The following PKD2 variants were observed in gnomAD, a reference collection of about 807,000 sequenced individuals.
The protein encoded by PKD2 is polycystin-2.
PKD2 carries 48 observed loss-of-function variants against 105.9 expected under a neutral mutation model. The ratio of observed to expected loss-of-function variants is 0.45; its 90% CI spans 0.36 to 0.58. The LOEUF (loss-of-function observed/expected upper bound fraction) is 0.58. Ranked by LOEUF, PKD2 falls within the 20% of genes least tolerant of loss-of-function variation. PKD2 has a pLI of 0.00. For synonymous variants in PKD2, 464 were observed against 481.1 expected (o/e 0.96, Z 0.46); for missense variants, 1,078 against 1,255.3 (o/e 0.86, Z 2.13).
intron 9 of PKD2, 114 bp from the exon 10 acceptor site, chr4:88,061,792 G>A: frequency 3.4e-6 from 2 of 596,888 alleles, no homozygotes; most frequent in South Asian, 4.1e-5. Flanking sequence ...TCTTCATAAA[G>A]CACTCAGATT....
intron 10 of PKD2, among the ~76,000 whole-genome samples, chr4:88,062,438 C>A (rs564551894): frequency 6.6e-6 from 1 of 152,328 alleles, no homozygotes; most frequent in South Asian, 2.1e-4. Context: ...TAGTAGTTCA[C>A]CCTTTACCCT....
intron 2 of PKD2, among the ~76,000 whole-genome samples, chr4:88,021,599 C>G (rs144788860): frequency 6.6e-6 from 1 of 152,202 alleles, no homozygotes; most frequent in Admixed American, 6.5e-5. Context: ...ACATCCGTCT[C>G]AGATGGTTAC....
chr4:88,023,002 A>G (rs11934991), intron 2 of PKD2, among the ~76,000 whole-genome samples: 178 of 152,274 alleles, frequency 1.2e-3, no homozygotes, highest in African/African-American at 4.0e-3. Flanking sequence ...AATTGTTTGA[A>G]GCTGGGAGTC....
At position 88,054,650 on chromosome 4, in the gene PKD2, C is replaced by CTTT. The variant is rs1184325520; in HGVS notation, c.1717-1416_1717-1414dup. ...CTTTAAGGCAGGGATCATGACTCTA[C>CTTT]TTTTTTTTTTTTTTTTTTTTTTGGG... On this transcript the variant is annotated intron_variant, in intron 7 of 14. Transcript: ENST00000237596. Among the ~76,000 whole-genome samples, 161 of 81,340 alleles carry CTTT rather than the reference C, an allele frequency of 2.0e-3. 5 individuals carry two copies. The highest frequency in any genetic ancestry group is 8.8e-3 in the African/African-American group (140 of 15,832). 53.4% of individuals were successfully genotyped at this position (81,340 alleles called of 152,430 possible).
rs1049662962 is a variant in PKD2 at position 88,069,068 on chromosome 4, CTTTGT to C, written c.2522+1011_2522+1015del. The stretch of plus-strand genomic sequence containing the variant: ...TATCCACTTTATCTCTAGTAAAATT[CTTTGT>C]TTTAAGTATTTTTTGTTTGATATTA... On this transcript the variant is annotated intron_variant, in intron 13 of 14. Transcript: ENST00000237596. 3.3e-4 allele frequency among the ~76,000 whole-genome samples: 50 copies of C among 152,046 alleles called. 2 individuals carry two copies. The highest frequency in any genetic ancestry group is 2.7e-3 in the Admixed American group (41 of 15,266).
At chr4:88,062,732 T>A (rs1720623155) in intron 10 of PKD2, among the ~76,000 whole-genome samples, 2 of 152,210 alleles carry the variant, frequency 1.3e-5, no homozygotes, top group South Asian at 4.1e-4. Context: ...AACTGTAATT[T>A]TTTTTTTTAT....
At chr4:88,012,682 T>A (rs909860066) in intron 1 of PKD2, among the ~76,000 whole-genome samples, 2 of 152,112 alleles carry the variant, frequency 1.3e-5, no homozygotes, top group Non-Finnish European at 2.9e-5. Context: ...TTTTTTATCA[T>A]CCCAAACAGA....
In PKD2 at chr4:88,039,533, C is replaced by T. The variant is rs1727475866; in HGVS notation, c.1094+1032C>T. 3.3e-5 allele frequency among the ~76,000 whole-genome samples: 5 copies of T among 151,796 alleles called. No individual in the cohort carries two copies. The South Asian group carries it at 1.0e-3, about 32-fold the overall frequency. On this transcript the variant is annotated intron_variant, in intron 4 of 14. Coordinates refer to ENST00000237596, the MANE Select transcript of PKD2 (RefSeq NM_000297.4). ...TACAAAAATTAGCTGGGTGTGGTGA[C>T]ATGTGCCTATAGTCACAGCTATTCG...
At chr4:88,069,284 C>T (rs1314686175) in intron 13 of PKD2, among the ~76,000 whole-genome samples, 1 of 151,968 alleles carries the variant, frequency 6.6e-6, no homozygotes, top group East Asian at 1.9e-4. Context: ...TTAATCCATT[C>T]ATTTAATGTT....
intron 1 of PKD2, among the ~76,000 whole-genome samples, chr4:88,016,070 G>A (rs1455684355): frequency 6.6e-6 from 1 of 152,082 alleles, no homozygotes; most frequent in African/African-American, 2.4e-5. Flanking sequence ...TTCACAATAG[G>A]GTTCTCACTC....
intron 2 of PKD2, among the ~76,000 whole-genome samples, chr4:88,025,097 A>C (rs1578122163): frequency 6.6e-6 from 1 of 152,002 alleles, no homozygotes; most frequent in Non-Finnish European, 1.5e-5. Flanking sequence ...CCAAGTTCGC[A>C]CCACTGCATT....
At position 88,046,839 on chromosome 4, in the gene PKD2, T is replaced by C. The variant is rs149780942; in HGVS notation, c.1517T>C (p.Phe506Ser). ...CACAAACTACACTATTTCAGGAGTT[T>C]CTGGAATTGTCTGGATGTTGTGATC... ...RIHKLHYFRS[F>S]WNCLDVVIVV... Residue 506 changes from phenylalanine to serine, a missense_variant, in exon 6 of 15, where the codon TTC (phenylalanine) becomes TCC (serine). Around this residue, in one of 2 missense-constraint regions of PKD2, gnomAD observed 868 missense variants for 1,067.3 expected, o/e 0.81. Transcript: ENST00000237596. 5 of 1,607,342 alleles carry C rather than the reference T, an allele frequency of 3.1e-6. No homozygotes were observed. In the Admixed American group the frequency reaches 5.0e-5, roughly 16 times the overall value.
intron 4 of PKD2, among the ~76,000 whole-genome samples, chr4:88,039,067 A>C (rs897029564): frequency 3.3e-5 from 5 of 152,172 alleles, no homozygotes; most frequent in African/African-American, 1.2e-4. Flanking sequence ...TTGTGTATTA[A>C]GGGAGGTCAC....
chr4:88,054,759 A>G (rs1429632358), intron 7 of PKD2, among the ~76,000 whole-genome samples: 2 of 144,792 alleles, frequency 1.4e-5, no homozygotes, highest in Admixed American at 7.3e-5. Flanking sequence ...GGTTCACGCC[A>G]TTCTCCTGCC....
At position 88,037,632 on chromosome 4, in the gene PKD2, A is replaced by G. The variant is rs566966794; in HGVS notation, c.844-619A>G. On this transcript the variant is annotated intron_variant, in intron 3 of 14. Coordinates refer to ENST00000237596, the MANE Select transcript of PKD2 (RefSeq NM_000297.4). ...CCATCTGAGTAGGGCAAATCAGTCT[A>G]TCTCTGTTGATCATCTGACAAGGAT... Among the ~76,000 whole-genome samples the G allele has an allele frequency of 2.0e-5, 3 of 152,324 alleles. No homozygotes were observed. The South Asian group carries it at 6.2e-4, about 32-fold the overall frequency.
chr4:88,056,297 T>G, intron 8 of PKD2, 30 bp downstream of exon 8: 1 of 1,427,944 alleles, frequency 7.0e-7, no homozygotes, highest in Non-Finnish European at 9.8e-7. Context: ...AGAAGAAAAA[T>G]TTAATCAGAG....
rs200938134 is a variant in PKD2, at chr4:88,075,921, GA to G, written c.*235del. On this transcript the variant is annotated 3_prime_UTR_variant, in exon 15 of 15. Coordinates refer to ENST00000237596, the MANE Select transcript of PKD2 (RefSeq NM_000297.4). ...AATCTAGGTGTAAATATTGAGTACA[GA>G]AAAAAAATCTTCATGATGTGTATTG... 3 of 539,144 alleles carry G rather than the reference GA, an allele frequency of 5.6e-6. No individual in the cohort carries two copies. The highest frequency in any genetic ancestry group is 2.1e-5 in the South Asian group (1 of 48,086). The allele number at this position is 539,144 out of a possible 1,614,324, so 33.4% of individuals were successfully genotyped here.
Position 88,075,716 on chromosome 4 carries a change from G to T in PKD2, c.*22G>T. The T allele has an allele frequency of 1.3e-6, 2 of 1,550,868 alleles. No individual in the cohort carries two copies. The highest frequency in any genetic ancestry group is 1.8e-6 in the Non-Finnish European group (2 of 1,124,780). On this transcript the variant is annotated 3_prime_UTR_variant, in exon 15 of 15. Coordinates refer to ENST00000237596, the MANE Select transcript of PKD2 (RefSeq NM_000297.4). ...ATGATATGTGTGTTTCAGTATGTGT[G>T]TTTCTAATAAGTGAGGAAGTGGCTG...
At chr4:88,016,928 A>G (rs1219422875) in intron 1 of PKD2, among the ~76,000 whole-genome samples, 1 of 151,872 alleles carries the variant, frequency 6.6e-6, no homozygotes, top group Non-Finnish European at 1.5e-5. Flanking sequence ...ATTGTGCCAG[A>G]GTACTCCAGC....
Sources: allele counts gnomAD v4.1 joint callset (sites outside exome capture counted in the v4.1 genomes callset), GRCh38; gene constraint gnomAD v4.1.1; regional missense constraint gnomAD v4.1.1; transcripts MANE v1.5; gene names NCBI Gene and HGNC (gene_info 2026-07-23, HGNC 2026-07-21).